The following CHCHD3 variants were observed in gnomAD, a reference collection of about 807,000 sequenced individuals.
CHCHD3 encodes coiled-coil-helix-coiled-coil-helix domain containing 3.
In CHCHD3, 20 loss-of-function variants were observed where a neutral mutation model predicts 38.2. The ratio of observed to expected loss-of-function variants is 0.52; its 90% CI spans 0.37 to 0.76. CHCHD3 has a LOEUF of 0.76. Among genes scored for constraint, CHCHD3 ranks in the 30% least tolerant of loss-of-function variants. CHCHD3 has a pLI of 0.00. For synonymous variants in CHCHD3, 82 were observed against 100.0 expected, an observed-to-expected ratio of 0.82 and a Z score of 1.07; for missense variants, 245 against 279.2, an observed-to-expected ratio of 0.88 and a Z score of 0.87.
intron 6 of CHCHD3, among the ~76,000 whole-genome samples, chr7:132,807,403 T>C (rs544553681): frequency 7.2e-5 from 11 of 152,094 alleles, no homozygotes; most frequent in East Asian, 1.9e-4. Context: ...CTCACACTTA[T>C]ACTGAGTGTC....
intron 4 of CHCHD3, among the ~76,000 whole-genome samples, chr7:132,911,607 C>T (rs554458168): frequency 2.3e-4 from 35 of 152,238 alleles, no homozygotes; most frequent in African/African-American, 7.2e-4. Flanking sequence ...TAGCATGTAC[C>T]GTTATATTTA....
chr7:132,939,395 A>T (rs1331956608), intron 4 of CHCHD3, among the ~76,000 whole-genome samples: 1 of 152,044 alleles, frequency 6.6e-6, no homozygotes, highest in Non-Finnish European at 1.5e-5. Flanking sequence ...TTTATGCTAT[A>T]TTTTTACTGT....
intron 6 of CHCHD3, among the ~76,000 whole-genome samples, chr7:132,817,037 T>C (rs569039415): frequency 1.3e-5 from 2 of 152,188 alleles, no homozygotes; most frequent in Non-Finnish European, 2.9e-5. Context: ...AGGGCATCCC[T>C]GTCTTCTCTG....
At chr7:133,048,587 A>C (rs28627583) in intron 2 of CHCHD3, among the ~76,000 whole-genome samples, 183 of 152,314 alleles carry the variant, frequency 1.2e-3, no homozygotes, top group African/African-American at 4.2e-3. Context: ...AAATAAACAA[A>C]AGGGACCACC....
chr7:132,838,995 A>T (rs901535149), intron 5 of CHCHD3, among the ~76,000 whole-genome samples: 11 of 152,110 alleles, frequency 7.2e-5, no homozygotes, highest in Admixed American at 3.3e-4. Flanking sequence ...GTTCAAGACC[A>T]GCCTGACCAA....
At chr7:132,816,688 C>T (rs971472606) in intron 6 of CHCHD3, among the ~76,000 whole-genome samples, 6 of 152,316 alleles carry the variant, frequency 3.9e-5, no homozygotes, top group South Asian at 4.1e-4. Flanking sequence ...TTTATGGCAG[C>T]GGCTTGCCTG....
At chr7:132,835,529 T>C (rs1046158087) in intron 6 of CHCHD3, among the ~76,000 whole-genome samples, 3 of 152,190 alleles carry the variant, frequency 2.0e-5, no homozygotes, top group African/African-American at 7.2e-5. Flanking sequence ...GATGTCAACG[T>C]TGTGCTTCCC....
intron 6 of CHCHD3, among the ~76,000 whole-genome samples, chr7:132,823,485 C>A (rs1395630299): frequency 6.6e-6 from 1 of 152,048 alleles, no homozygotes; most frequent in African/African-American, 2.4e-5. Context: ...CTGCAAAAAG[C>A]AAAATTGCAG....
Position 132,919,179 on chromosome 7 carries a change from G to A in CHCHD3, c.370-33434C>T, listed in dbSNP as rs1810197035. Among the ~76,000 whole-genome samples, 4 of 134,076 alleles carry A rather than the reference G, an allele frequency of 3.0e-5. No homozygotes were observed. The South Asian group carries it at 9.6e-4, about 32-fold the overall frequency. 88.0% of individuals were successfully genotyped at this position (134,076 alleles called of 152,430 possible). A position where few individuals can be genotyped will look rare whatever the true frequency, so the allele number is the denominator to read the frequency against. On this transcript the variant is annotated intron_variant, in intron 4 of 7. Transcript: ENST00000262570. Reference sequence around the variant, plus strand: ...GCTGGAGTGCAGTGGCGCGATCTCGGCTCACTGCAAGCTCCGCCTCCCGGG... The same window carrying A: ...GCTGGAGTGCAGTGGCGCGATCTCGACTCACTGCAAGCTCCGCCTCCCGGG...
chr7:132,993,737 C>A (rs1812342158), intron 3 of CHCHD3, among the ~76,000 whole-genome samples: 1 of 152,186 alleles, frequency 6.6e-6, no homozygotes, highest in Admixed American at 6.5e-5. Flanking sequence ...CTCACCCACC[C>A]AAACCAGTTG....
intron 4 of CHCHD3, among the ~76,000 whole-genome samples, chr7:132,890,614 T>C (rs1809337432): frequency 6.6e-6 from 1 of 152,234 alleles, no homozygotes; most frequent in African/African-American, 2.4e-5. Context: ...ATATTTTAAA[T>C]GACAAAGTTC....
Position 132,831,014 on chromosome 7 carries a change from G to GA in CHCHD3, c.524+7384dup, listed in dbSNP as rs1585553601. Reference sequence around the variant, plus strand: ...ACAGCCCTTCAAATTAAAAAAGGGGGAAAAAAGGCCCAATACAAATGCAGA... The same window carrying GA: ...ACAGCCCTTCAAATTAAAAAAGGGGGAAAAAAAGGCCCAATACAAATGCAGA... On this transcript the variant is annotated intron_variant, in intron 6 of 7. Coordinates refer to ENST00000262570, the MANE Select transcript of CHCHD3 (RefSeq NM_017812.4). 2.0e-5 allele frequency among the ~76,000 whole-genome samples: 3 copies of GA among 152,006 alleles called. No individual in the cohort carries two copies. The East Asian group carries it at 5.8e-4, about 29-fold the overall frequency.
intron 4 of CHCHD3, among the ~76,000 whole-genome samples, chr7:132,939,582 CAAT>C (rs960250250): frequency 2.0e-5 from 3 of 152,246 alleles, no homozygotes; most frequent in East Asian, 3.9e-4. Context: ...AGTATTCACA[CAAT>C]GATGCATTTT....
intron 4 of CHCHD3, among the ~76,000 whole-genome samples, chr7:132,935,517 T>C (rs1252741582): frequency 6.6e-6 from 1 of 152,212 alleles, no homozygotes; most frequent in African/African-American, 2.4e-5. Context: ...TTGCAGGTTG[T>C]AATTTTAAAA....
intron 2 of CHCHD3, among the ~76,000 whole-genome samples, chr7:133,028,909 A>T (rs1813425029): frequency 6.6e-6 from 1 of 151,718 alleles, no homozygotes; most frequent in East Asian, 1.9e-4. Context: ...AAAGAAAAGA[A>T]AAGAAAAAGA....
intron 6 of CHCHD3, among the ~76,000 whole-genome samples, chr7:132,834,305 A>T (rs1807722208): frequency 6.6e-6 from 1 of 152,164 alleles, no homozygotes; most frequent in South Asian, 2.1e-4. Flanking sequence ...AAGCTAATGA[A>T]CTCACTGCAA....
intron 4 of CHCHD3, among the ~76,000 whole-genome samples, chr7:132,941,922 A>G (rs777499789): frequency 6.6e-6 from 1 of 152,166 alleles, no homozygotes; most frequent in Non-Finnish European, 1.5e-5. Context: ...GCACTTTCAC[A>G]TATCTCTTCA....
intron 2 of CHCHD3, among the ~76,000 whole-genome samples, chr7:133,057,025 T>C (rs1814359685): frequency 6.6e-6 from 1 of 152,202 alleles, no homozygotes; most frequent in African/African-American, 2.4e-5. Flanking sequence ...GTTCATTTCC[T>C]CTGTAGCCCT....
At chr7:132,952,759 C>A (rs982442409) in intron 4 of CHCHD3, among the ~76,000 whole-genome samples, 4 of 152,278 alleles carry the variant, frequency 2.6e-5, no homozygotes, top group African/African-American at 9.6e-5. Flanking sequence ...TGCAGTAAAA[C>A]CAAATGCTCA....
Sources: gnomAD v4.1 joint callset for allele counts (sites outside exome capture counted in the v4.1 genomes callset) on GRCh38, gnomAD v4.1.1 for gene constraint, MANE v1.5 for transcripts, NCBI Gene and HGNC (gene_info 2026-07-23, HGNC 2026-07-21) for gene names.